The following FGF5 variants were observed in gnomAD, a reference collection of about 807,000 sequenced individuals.
FGF5 encodes fibroblast growth factor 5.
In FGF5, 23 loss-of-function variants were observed where a neutral mutation model predicts 21.8. The observed-to-expected ratio is 1.05, with a 90% CI of 0.76 to 1.49. The LOEUF is 1.49. FGF5 is among the 40% of genes most tolerant of loss of function. The pLI, the probability that FGF5 is intolerant of heterozygous loss-of-function variation, is 0.00. For missense variants in FGF5, 352 were observed against 332.9 expected, an observed-to-expected ratio of 1.06 and a Z score of -0.45; for synonymous variants, 158 against 124.0, an observed-to-expected ratio of 1.27 and a Z score of -1.82.
chr4:80,282,397 C>T (rs573282548), intron 2 of FGF5, among the ~76,000 whole-genome samples: 146 of 151,624 alleles, frequency 9.6e-4, no homozygotes, highest in African/African-American at 3.2e-3. Context: ...GTACAAAAAA[C>T]GCTGATTTTA....
chr4:80,282,710 G>A (rs1720589321), intron 2 of FGF5, among the ~76,000 whole-genome samples: 2 of 152,076 alleles, frequency 1.3e-5, no homozygotes, highest in South Asian at 4.2e-4. Flanking sequence ...CTTGATTTCA[G>A]CAACTTATCT....
At chr4:80,284,484 A>T (rs1188628994) in intron 2 of FGF5, among the ~76,000 whole-genome samples, 1 of 152,108 alleles carries the variant, frequency 6.6e-6, no homozygotes, top group African/African-American at 2.4e-5. Flanking sequence ...CAAAGAAACA[A>T]ACAAAAAATA....
intron 1 of FGF5, among the ~76,000 whole-genome samples, chr4:80,268,868 G>C (rs1445996004): frequency 6.6e-6 from 1 of 152,228 alleles, no homozygotes; most frequent in Non-Finnish European, 1.5e-5. Flanking sequence ...CTGCTCATTT[G>C]GGGGATAAAG....
At chr4:80,277,179 T>C (rs1416760541) in intron 2 of FGF5, among the ~76,000 whole-genome samples, 2 of 152,174 alleles carry the variant, frequency 1.3e-5, no homozygotes, top group Non-Finnish European at 2.9e-5. Flanking sequence ...ATAATGCAGA[T>C]AATGCAAAAA....
upstream of FGF5, chr4:80,266,609 A>G: frequency 1.8e-6 from 1 of 545,792 alleles, no homozygotes. Flanking sequence ...GCAGGCGTGC[A>G]CGGAGCAGTG....
At chr4:80,283,215 G>A (rs1720606352) in intron 2 of FGF5, among the ~76,000 whole-genome samples, 1 of 152,174 alleles carries the variant, frequency 6.6e-6, no homozygotes, top group African/African-American at 2.4e-5. Flanking sequence ...CCGTATTAAT[G>A]TAGAATGTAG....
At chr4:80,273,348 C>T (rs892909754) in intron 1 of FGF5, among the ~76,000 whole-genome samples, 1 of 151,994 alleles carries the variant, frequency 6.6e-6, no homozygotes, top group Non-Finnish European at 1.5e-5. Flanking sequence ...TCAGTTATCC[C>T]CTTTTTCACA....
At chr4:80,279,486 A>T (rs1459112564) in intron 2 of FGF5, among the ~76,000 whole-genome samples, 1 of 152,102 alleles carries the variant, frequency 6.6e-6, no homozygotes, top group Non-Finnish European at 1.5e-5. Flanking sequence ...CCTATTTATC[A>T]CTGACCTTTT....
At chr4:80,272,327 A>G (rs1411542332) in intron 1 of FGF5, among the ~76,000 whole-genome samples, 2 of 152,150 alleles carry the variant, frequency 1.3e-5, no homozygotes, top group Non-Finnish European at 2.9e-5. Context: ...ACCCAGCAAT[A>G]TGTAATACAA....
At chr4:80,273,524 T>TA (rs1432900897) in intron 1 of FGF5, among the ~76,000 whole-genome samples, 1 of 152,172 alleles carries the variant, frequency 6.6e-6, no homozygotes, top group Non-Finnish European at 1.5e-5. Context: ...AATAATTTTA[T>TA]ATATACCTCA....
At chr4:80,269,511 C>T (rs1365809695) in intron 1 of FGF5, among the ~76,000 whole-genome samples, 1 of 152,178 alleles carries the variant, frequency 6.6e-6, no homozygotes, top group Non-Finnish European at 1.5e-5. Context: ...AGACATTGAC[C>T]ACTACCCAGT....
At position 80,285,883 on chromosome 4, in the gene FGF5, C is replaced by T. The variant is rs3755915; in HGVS notation, c.460-442C>T. 2.3e-4 allele frequency among the ~76,000 whole-genome samples: 35 copies of T among 152,246 alleles called. No individual in the cohort carries two copies. In the East Asian group the frequency reaches 6.7e-3, roughly 29 times the overall value. ...GCTTGTTTCAAAGGAATAATTTTGA[C>T]CTCATTTCTGTGAACAGGAATTTAT... is the stretch of plus-strand genomic sequence containing the variant. On this transcript the variant is annotated intron_variant, in intron 2 of 2. Coordinates refer to ENST00000312465, the MANE Select transcript of FGF5 (RefSeq NM_004464.4).
chr4:80,283,624 G>A (rs2109928563), intron 2 of FGF5, among the ~76,000 whole-genome samples: 1 of 152,146 alleles, frequency 6.6e-6, no homozygotes, highest in African/African-American at 2.4e-5. Context: ...ACTGTTGGGG[G>A]AAAATATTAA....
chr4:80,270,645 G>T (rs568871444), intron 1 of FGF5, among the ~76,000 whole-genome samples: 36 of 152,266 alleles, frequency 2.4e-4, no homozygotes, highest in Admixed American at 9.8e-4. Context: ...AAATGGTTTG[G>T]TTTAATTTAT....
Position 80,286,646 on chromosome 4 carries a change from T to C in FGF5, c.781T>C (p.Tyr261His). 6.2e-7 allele frequency: 1 copy of C among 1,613,796 alleles called. No individual in the cohort carries two copies. The change falls in exon 3 of 3, where the codon TAC becomes CAC. Residue 261 changes from tyrosine (Y) to histidine (H), a missense_variant. By Grantham distance (83) the Tyr-to-His change is moderately conservative. Coordinates refer to ENST00000312465, the MANE Select transcript of FGF5 (RefSeq NM_004464.4). Reference sequence around the variant, plus strand: ...TCGGAAAAATACCAACTCAGTGAAATACAGACTCAAGTTTCGCTTTGGATA... The same window carrying C: ...TCGGAAAAATACCAACTCAGTGAAACACAGACTCAAGTTTCGCTTTGGATA... ...APRKNTNSVK[Y>H]RLKFRFG
rs34389810 is a variant in FGF5, at chr4:80,273,172, G to GT, written c.356-1727dup. On this transcript the variant is annotated intron_variant, in intron 1 of 2. Coordinates refer to ENST00000312465, the MANE Select transcript of FGF5 (RefSeq NM_004464.4). ...GGAAAGGATTTATACAGCACTGGTG[G>GT]TTTTTTTTTTCAGTTTCCTTCTAAA... 2.4e-3 allele frequency among the ~76,000 whole-genome samples: 356 copies of GT among 146,372 alleles called. 1 individual carries two copies. Among genetic ancestry groups the GT allele is most frequent in the African/African-American group, 6.1e-3 (245 of 40,020 alleles).
rs185580826 is a variant in FGF5, at chr4:80,289,331, C to T, written c.*2659C>T. 1.3e-5 allele frequency: 2 copies of T among 152,202 alleles called. No homozygotes were observed. The highest frequency in any genetic ancestry group is 1.9e-4 in the East Asian group (1 of 5,188). The allele number at this position is 152,202 out of a possible 1,614,324, so 9.4% of individuals were successfully genotyped here. ...GCTTAGTGAAGCATAAAGTTACCTA[C>T]ATCAATTAATTAAATGAACTTATGT... On this transcript the variant is annotated 3_prime_UTR_variant, in exon 3 of 3. Coordinates refer to ENST00000312465, the MANE Select transcript of FGF5 (RefSeq NM_004464.4).
chr4:80,283,284 C>T (rs1720609003), intron 2 of FGF5, among the ~76,000 whole-genome samples: 1 of 140,292 alleles, frequency 7.1e-6, no homozygotes, highest in African/African-American at 2.7e-5. Flanking sequence ...CTACACACTT[C>T]TACCCTGGGT....
chr4:80,267,154 T>C lies in FGF5; in HGVS notation c.330T>C (p.Asn110=), dbSNP rs1720120626. The change falls in exon 1 of 3, where the codon AAT becomes AAC. Residue 110 remains asparagine, a synonymous_variant. Transcript: ENST00000312465. Reference sequence around the variant, plus strand: ...AGATCTACCCGGATGGCAAAGTCAATGGATCCCACGAAGCCAATATGTTAA... The same window carrying C: ...AGATCTACCCGGATGGCAAAGTCAACGGATCCCACGAAGCCAATATGTTAA... The part of the protein sequence containing the change: ...HLQIYPDGKV[N]GSHEANMLSV... The C allele has an allele frequency of 6.2e-7, 1 of 1,611,622 alleles. No homozygotes were observed. The highest frequency in any genetic ancestry group is 8.5e-7 in the Non-Finnish European group (1 of 1,178,710).
Sources: allele counts gnomAD v4.1 joint callset (sites outside exome capture counted in the v4.1 genomes callset), GRCh38; gene constraint gnomAD v4.1.1; transcripts MANE v1.5; gene names NCBI Gene and HGNC (gene_info 2026-07-23, HGNC 2026-07-21).